Variants in NTRK1 observed in about 807,000 individuals in gnomAD.
The protein encoded by NTRK1 is neurotrophic receptor tyrosine kinase 1, also known as high affinity nerve growth factor receptor.
NTRK1 carries 62 observed loss-of-function variants against 86.8 expected under a neutral mutation model. The ratio of observed to expected loss-of-function variants is 0.71; its 90% confidence interval spans 0.58 to 0.88. The LOEUF (loss-of-function observed/expected upper bound fraction) is 0.88, where lower values mean the gene tolerates loss of function less well. Ranked by LOEUF, NTRK1 falls within the 40% of genes least tolerant of loss-of-function variation. The pLI, the probability that NTRK1 is intolerant of heterozygous loss-of-function variation, is 0.00. For synonymous variants in NTRK1, 469 were observed against 456.6 expected, an observed-to-expected ratio of 1.03 and a Z score of -0.35; for missense variants, 967 against 1,078.4, an observed-to-expected ratio of 0.90 and a Z score of 1.45.
At chr1:156,879,959 C>G in intron 15 of NTRK1, 40 bp from the exon 16 acceptor site, 1 of 1,609,772 alleles carries the variant, frequency 6.2e-7, no homozygotes, top group South Asian at 1.1e-5. Context: ...CGGGCTGTCC[C>G]AGGCGCCCCT....
intron 1 of NTRK1, among the ~76,000 whole-genome samples, chr1:156,829,611 C>T (rs954992656): frequency 2.0e-5 from 3 of 152,226 alleles, no homozygotes; most frequent in Admixed American, 6.5e-5. Context: ...GGACTGCTCG[C>T]GCTCAAGTAT....
intron 2 of NTRK1, among the ~76,000 whole-genome samples, chr1:156,852,602 C>A (rs756162292): frequency 6.6e-6 from 1 of 152,178 alleles, no homozygotes; most frequent in African/African-American, 2.4e-5. Flanking sequence ...AGGGAGGGGC[C>A]GACATCTGTC....
intron 1 of NTRK1, among the ~76,000 whole-genome samples, chr1:156,833,859 C>A (rs1654527918): frequency 6.6e-6 from 1 of 152,198 alleles, no homozygotes; most frequent in Non-Finnish European, 1.5e-5. Flanking sequence ...ACCAGCTGGG[C>A]AGCACCACCT....
chr1:156,876,075 C>A lies in NTRK1; in HGVS notation c.1502-5C>A. 6.2e-7 allele frequency: 1 copy of A among 1,614,220 alleles called. No individual in the cohort carries two copies. The highest frequency in any genetic ancestry group is 1.7e-5 in the Admixed American group (1 of 60,032). On this transcript the variant is annotated splice_polypyrimidine_tract_variant and splice_region_variant and intron_variant, in intron 12 of 16. Coordinates refer to ENST00000524377, the MANE Select transcript of NTRK1 (RefSeq NM_002529.4). ...GCTACCGTCTGACCCTGCAAGCCCC[C>A]TCAGGTGTTCACCACATCAAGCGCC...
intron 12 of NTRK1, 78 bp downstream of exon 12, chr1:156,875,744 C>G (rs1235121676): frequency 8.4e-7 from 1 of 1,190,402 alleles, no homozygotes; most frequent in Non-Finnish European, 1.2e-6. Flanking sequence ...TGTAGAAGCC[C>G]CTAGGCCTGA....
chr1:156,825,152 G>A (rs568705364), intron 1 of NTRK1, among the ~76,000 whole-genome samples: 231 of 152,324 alleles, frequency 1.5e-3, no homozygotes, highest in Non-Finnish European at 2.8e-3. Flanking sequence ...GCCTCCCAAA[G>A]TGGTGGGATT....
intron 3 of NTRK1, 142 bp from the exon 4 acceptor site, chr1:156,866,768 T>A: frequency 1.5e-6 from 1 of 671,276 alleles, no homozygotes; most frequent in Non-Finnish European, 2.6e-6. Flanking sequence ...CACACTGCCT[T>A]CCAGGGCTGG....
At chr1:156,822,108 TAAAG>T (rs1255205182) in intron 1 of NTRK1, among the ~76,000 whole-genome samples, 1 of 152,012 alleles carries the variant, frequency 6.6e-6, no homozygotes. Flanking sequence ...CTTTTGGAAA[TAAAG>T]AGTCAATTAA....
rs542837827 is a variant in NTRK1, at chr1:156,874,827, A to G, written c.1252-79A>G. The G allele has an allele frequency of 8.8e-6, 11 of 1,253,526 alleles. No homozygotes were observed. In the African/African-American group the frequency reaches 1.0e-4, roughly 12 times the overall value. 77.7% of individuals were successfully genotyped at this position (1,253,526 alleles called of 1,614,324 possible). On this transcript the variant is annotated intron_variant, in intron 10 of 16. Coordinates refer to ENST00000524377, the MANE Select transcript of NTRK1 (RefSeq NM_002529.4). ...ACCTGGCTCCGGGCTCCCATGCAGGATGAAAAAATGGCTTACTACAGGAGG... is the reference window on the plus strand; with the variant it reads ...ACCTGGCTCCGGGCTCCCATGCAGGGTGAAAAAATGGCTTACTACAGGAGG...
At chr1:156,864,198 TG>T (rs1339130027) in intron 1 of NTRK1, among the ~76,000 whole-genome samples, 155 bp from the exon 2 acceptor site, 1 of 151,140 alleles carries the variant, frequency 6.6e-6, no homozygotes, top group African/African-American at 2.5e-5. Context: ...TATGCATTTG[TG>T]TGTGCACGCC....
chr1:156,857,013 C>G, upstream of NTRK1, among the ~76,000 whole-genome samples: 1 of 152,084 alleles, frequency 6.6e-6, no homozygotes, highest in Non-Finnish European at 1.5e-5. Context: ...ATCACAAACA[C>G]CACATGCCAC....
intron 1 of NTRK1, among the ~76,000 whole-genome samples, chr1:156,825,152 G>C (rs568705364): frequency 1.3e-5 from 2 of 152,210 alleles, no homozygotes; most frequent in Admixed American, 6.5e-5. Context: ...GCCTCCCAAA[G>C]TGGTGGGATT....
intron 6 of NTRK1, among the ~76,000 whole-genome samples, chr1:156,869,516 T>G (rs1283973323): frequency 2.6e-5 from 4 of 152,208 alleles, no homozygotes; most frequent in African/African-American, 9.6e-5. Context: ...GGGCATGTGA[T>G]GAACGTATTA....
intron 1 of NTRK1, among the ~76,000 whole-genome samples, chr1:156,824,501 G>A (rs1351391048): frequency 6.6e-6 from 1 of 152,152 alleles, no homozygotes; most frequent in East Asian, 1.9e-4. Flanking sequence ...GCTTGCGCCT[G>A]GTTTGAATGT....
chr1:156,824,682 C>A (rs1022314911), intron 1 of NTRK1, among the ~76,000 whole-genome samples: 6 of 152,184 alleles, frequency 3.9e-5, no homozygotes, highest in African/African-American at 1.4e-4. Context: ...GAGTGTAATT[C>A]TTTGTCAGAA....
chr1:156,868,245 C>G lies in NTRK1; in HGVS notation c.570C>G (p.Ser190Arg), dbSNP rs138608619. ...QGPLAHMPNASCGVPTLKVQV... is the reference protein window; with the variant it reads ...QGPLAHMPNARCGVPTLKVQV... ...CCCTGGCCCACATGCCCAATGCCAG[C>G]TGTGGTAGGTGCCGGGTGAGGGAGG... The change falls in exon 5 of 17, where the codon AGC (serine) becomes AGG (arginine). Residue 190 changes from serine (S) to arginine (R), a missense_variant. Physicochemically the swap from Ser to Arg is moderately radical, Grantham distance 110. Coordinates refer to ENST00000524377, the MANE Select transcript of NTRK1 (RefSeq NM_002529.4). The G allele has an allele frequency of 1.2e-4, 190 of 1,609,402 alleles. No individual in the cohort carries two copies. Among genetic ancestry groups the G allele is most frequent in the Non-Finnish European group, 1.9e-5 (22 of 1,180,002 alleles).
Position 156,852,413 on chromosome 1 carries a change from C to T in NTRK1, c.50+10220C>T, listed in dbSNP as rs1395738034. On this transcript the variant is annotated intron_variant, in intron 2 of 16. Transcript: ENST00000392302. ...CTCCCCACCTCCCACAGTGCCTAGT[C>T]GGGGGTGTCAGAGCTCAGGACAGAG... Among the ~76,000 whole-genome samples, 15 of 152,044 alleles carry T rather than the reference C, an allele frequency of 9.9e-5. No individual in the cohort carries two copies. The East Asian group carries it at 1.2e-3, about 12-fold the overall frequency.
At chr1:156,855,967 G>T (rs12023511), upstream of NTRK1, among the ~76,000 whole-genome samples, 88 of 151,928 alleles carry the variant, frequency 5.8e-4, no homozygotes, top group South Asian at 9.4e-3. Context: ...TTGAGACATG[G>T]TCTCACTCTG....
At chr1:156,847,252 G>A (rs1258092924) in intron 2 of NTRK1, among the ~76,000 whole-genome samples, 1 of 152,218 alleles carries the variant, frequency 6.6e-6, no homozygotes, top group Non-Finnish European at 1.5e-5. Flanking sequence ...TCTAGAGAGA[G>A]TGTTCCTAGC....
Sources: allele counts gnomAD v4.1 joint callset (sites outside exome capture counted in the v4.1 genomes callset), GRCh38; gene constraint gnomAD v4.1.1; transcripts MANE v1.5; gene names NCBI Gene and HGNC (gene_info 2026-07-23, HGNC 2026-07-21).